Variants in BOC observed in about 807,000 individuals in gnomAD.
The protein encoded by BOC is brother of CDO.
In BOC, 76 loss-of-function variants were observed where a neutral mutation model predicts 112.0. The observed-to-expected ratio is 0.68, with a 90% confidence interval of 0.56 to 0.82. The LOEUF is 0.82. BOC is among the 40% of genes least tolerant of loss of function. The pLI is 0.00. For missense variants in BOC, 1,309 were observed against 1,511.7 expected, an observed-to-expected ratio of 0.87 and a Z score of 2.22; for synonymous variants, 580 against 599.8, an observed-to-expected ratio of 0.97 and a Z score of 0.48.
intron 2 of BOC, among the ~76,000 whole-genome samples, chr3:113,243,167 G>T (rs187925523): frequency 5.7e-4 from 87 of 152,266 alleles, no homozygotes; most frequent in Non-Finnish European, 9.0e-4. Context: ...TCTCACAAGA[G>T]GACAAGTGGC....
Position 113,283,446 on chromosome 3 carries a change from C to T in BOC, c.2470C>T (p.Pro824Ser), listed in dbSNP as rs1949374582. 2 of 1,611,512 alleles carry T rather than the reference C, an allele frequency of 1.2e-6. No individual in the cohort carries two copies. The highest frequency in any genetic ancestry group is 1.3e-5 in the African/African-American group (1 of 74,848). Residue 824 changes from proline to serine, a missense_variant, in exon 16 of 20, where the codon CCC (proline) becomes TCC (serine). Transcript: ENST00000682979. ...KSSGQPGRLPPPTLAPPQPPL... is the reference protein window; with the variant it reads ...KSSGQPGRLPSPTLAPPQPPL... ...TTCTGGCCAGCCTGGTCGACTGCCA[C>T]CCCCAACTCTGGCCCCACCACAGCC...
At chr3:113,283,292 A>G in intron 15 of BOC, 119 bp from the exon 16 acceptor site, 2 of 997,514 alleles carry the variant, frequency 2.0e-6, no homozygotes, top group East Asian at 2.4e-5. Context: ...TTGAGGCCCA[A>G]TCTAGTGAGT....
intron 4 of BOC, among the ~76,000 whole-genome samples, chr3:113,254,675 T>A (rs1238649491): frequency 1.3e-5 from 2 of 152,198 alleles, no homozygotes; most frequent in East Asian, 3.9e-4. Context: ...AGGCTTCCTT[T>A]TCCTCTGGCC....
chr3:113,236,924 C>G (rs532514959), intron 2 of BOC, among the ~76,000 whole-genome samples: 11 of 152,324 alleles, frequency 7.2e-5, no homozygotes, highest in Non-Finnish European at 1.6e-4. Context: ...AATAGCTCAT[C>G]AAAGTATTAC....
At chr3:113,277,694 T>G (rs3856719) in intron 9 of BOC, among the ~76,000 whole-genome samples, 1 of 152,134 alleles carries the variant, frequency 6.6e-6, no homozygotes, top group Non-Finnish European at 1.5e-5. Flanking sequence ...ACCTTTCTCA[T>G]CATTGTGTCT....
At chr3:113,220,851 C>G (rs188947161) in intron 2 of BOC, among the ~76,000 whole-genome samples, 3 of 152,240 alleles carry the variant, frequency 2.0e-5, no homozygotes, top group East Asian at 1.9e-4. Flanking sequence ...GGTTAACATT[C>G]TTTTTTGAGA....
At chr3:113,239,598 G>A (rs982160606) in intron 2 of BOC, among the ~76,000 whole-genome samples, 2 of 152,224 alleles carry the variant, frequency 1.3e-5, no homozygotes, top group African/African-American at 2.4e-5. Context: ...AGGCTTGTTA[G>A]GGACACTTCT....
At chr3:113,270,398 A>G (rs961239708) in intron 5 of BOC, 1 of 180,996 alleles carries the variant, frequency 5.5e-6, no homozygotes, top group East Asian at 1.4e-4. Context: ...AGAGAGATTA[A>G]TTAACTTGCC....
chr3:113,220,645 T>G (rs1352719773), intron 2 of BOC, among the ~76,000 whole-genome samples: 2 of 152,156 alleles, frequency 1.3e-5, no homozygotes, highest in Non-Finnish European at 2.9e-5. Flanking sequence ...GGACAAGGGA[T>G]TCATCTGCTT....
At chr3:113,233,146 G>GGGGT (rs1942893957) in intron 2 of BOC, among the ~76,000 whole-genome samples, 2 of 79,658 alleles carry the variant, frequency 2.5e-5, no homozygotes, top group Admixed American at 2.8e-4. Flanking sequence ...GTAAAGGATT[G>GGGGT]GGGTGTGTGT....
chr3:113,213,107 A>C (rs1938572636), intron 1 of BOC, among the ~76,000 whole-genome samples: 1 of 152,158 alleles, frequency 6.6e-6, no homozygotes, highest in Non-Finnish European at 1.5e-5. Flanking sequence ...CAGTAGAGCT[A>C]AGAATACCGA....
At chr3:113,250,485 T>G (rs899970281) in intron 3 of BOC, 70 bp from the exon 4 acceptor site, 20 of 1,527,982 alleles carry the variant, frequency 1.3e-5, no homozygotes, top group Non-Finnish European at 1.8e-5. Flanking sequence ...CTGGGTGCAG[T>G]GCTTCTAAAA....
chr3:113,285,270 C>T, intron 18 of BOC, 102 bp from the exon 19 acceptor site: 2 of 1,177,950 alleles, frequency 1.7e-6, no homozygotes, highest in South Asian at 2.7e-5. Flanking sequence ...TGAGCTCTCA[C>T]CAGCTCTGAT....
At chr3:113,272,115 C>T (rs1559869240) in intron 6 of BOC, 1 of 483,476 alleles carries the variant, frequency 2.1e-6, no homozygotes, top group Non-Finnish European at 3.7e-6. Context: ...CACTCCCTCA[C>T]CTTTCTCTCT....
At chr3:113,241,845 C>G (rs1944346013) in intron 2 of BOC, among the ~76,000 whole-genome samples, 1 of 152,154 alleles carries the variant, frequency 6.6e-6, no homozygotes, top group African/African-American at 2.4e-5. Flanking sequence ...ACTCCTCACA[C>G]TTGACACTGC....
intron 18 of BOC, 126 bp downstream of exon 18, chr3:113,284,984 C>A: frequency 1.3e-6 from 1 of 792,618 alleles, no homozygotes; most frequent in Non-Finnish European, 2.1e-6. Flanking sequence ...CCGTGACTGA[C>A]AATCATGCTC....
At chr3:113,280,763 C>A in intron 14 of BOC, 100 bp downstream of exon 14, 4 of 1,058,624 alleles carry the variant, frequency 3.8e-6, no homozygotes, top group South Asian at 1.3e-5. Context: ...CATAAACCTG[C>A]ATCTGGTGTG....
At chr3:113,266,917 C>T (rs929195689) in intron 4 of BOC, among the ~76,000 whole-genome samples, 6 of 152,178 alleles carry the variant, frequency 3.9e-5, no homozygotes, top group Non-Finnish European at 8.8e-5. Flanking sequence ...AATCACCAGG[C>T]ACTCCTAGGG....
At chr3:113,216,948 G>T (rs377386502) in intron 2 of BOC, among the ~76,000 whole-genome samples, 1 of 152,182 alleles carries the variant, frequency 6.6e-6, no homozygotes, top group South Asian at 2.1e-4. Flanking sequence ...AAAATTACCC[G>T]AAGCTGAGCA....
Sources: allele counts gnomAD v4.1 joint callset (sites outside exome capture counted in the v4.1 genomes callset), GRCh38; gene constraint gnomAD v4.1.1; transcripts MANE v1.5; gene names NCBI Gene and HGNC (gene_info 2026-07-23, HGNC 2026-07-21).